EHBP1L1: variants seen among roughly 807,000 people sequenced by gnomAD.
The protein encoded by EHBP1L1 is EH domain binding protein 1 like 1.
In EHBP1L1, 122 loss-of-function variants were observed where a neutral mutation model predicts 151.1. That is an observed-to-expected ratio of 0.81 (90% confidence interval 0.70 to 0.94). EHBP1L1 has a LOEUF of 0.94. Among genes scored for constraint, EHBP1L1 ranks in the 40% least tolerant of loss-of-function variants. The pLI is 0.00. For synonymous variants in EHBP1L1, 878 were observed against 810.1 expected (o/e 1.08, Z -1.42); for missense variants, 1,941 against 1,959.8 (o/e 0.99, Z 0.18).
chr11:65,591,953 C>T, intron 17 of EHBP1L1, 23 bp from the exon 18 acceptor site: 1 of 1,609,042 alleles, frequency 6.2e-7, no homozygotes, highest in South Asian at 1.1e-5. Flanking sequence ...CGCCTCCTGA[C>T]GCTTAGCCGC....
Position 65,588,220 on chromosome 11 carries a change from G to A in EHBP1L1, c.3934-1531G>A, listed in dbSNP as rs541943437. Among the ~76,000 whole-genome samples the A allele has an allele frequency of 6.6e-5, 10 of 152,188 alleles. No individual in the cohort carries two copies. The East Asian group carries it at 9.7e-4, about 15-fold the overall frequency. ...GGAGGAAGTAGGGCTGGGCTGGGTC[G>A]TGGAGGTCACGTTGGTACCAGGCAG... On this transcript the variant is annotated intron_variant, in intron 12 of 18. Transcript: ENST00000309295.
rs1857907160 is a variant in EHBP1L1, at chr11:65,585,360, C to T, written c.3702C>T (p.Val1234=). ...CCCGAGAGTCGCGACCCGCGGAGGT[C>T]CCGGCCGAGGGGCTGGTGAACGGGG... The part of the protein sequence containing the change: ...EAPRESRPAE[V]PAEGLVNGAG... The change falls in exon 12 of 19, where the codon GTC becomes GTT. Residue 1234 remains valine (V), a synonymous_variant. Transcript: ENST00000309295. This position sits in a 1 kb window ranked among gnomAD's most constrained non-coding sequence, Gnocchi z 4.0. The T allele has an allele frequency of 2.6e-6, 3 of 1,163,792 alleles. No individual in the cohort carries two copies. The highest frequency in any genetic ancestry group is 1.7e-5 in the African/African-American group (1 of 59,484). 72.1% of individuals were successfully genotyped at this position (1,163,792 alleles called of 1,614,324 possible).
chr11:65,584,693 T>C (rs965275407), intron 11 of EHBP1L1, 159 bp downstream of exon 11: 189 of 1,132,198 alleles, frequency 1.7e-4, no homozygotes, highest in Non-Finnish European at 2.2e-4. Flanking sequence ...GTTTTCCTTA[T>C]TTTCGTTTGT....
rs764711728 is a variant in EHBP1L1, at chr11:65,585,402, C to T, written c.3744C>T (p.Gly1248=). 9 of 1,354,336 alleles carry T rather than the reference C, an allele frequency of 6.6e-6. No individual in the cohort carries two copies. The South Asian group carries it at 1.0e-4, about 16-fold the overall frequency. 83.9% of individuals were successfully genotyped at this position (1,354,336 alleles called of 1,614,324 possible). ...TGAACGGGGCGGGGGCACCGGGCGGCGGCGGCGTGAGGCTGCGACGGCCCT... is the reference window on the plus strand; with the variant it reads ...TGAACGGGGCGGGGGCACCGGGCGGTGGCGGCGTGAGGCTGCGACGGCCCT... ...GLVNGAGAPG[G]GGVRLRRPSV... Residue 1248 remains glycine, a synonymous_variant, in exon 12 of 19, where the codon GGC becomes GGT. Transcript: ENST00000309295. This position sits in a 1 kb window ranked among gnomAD's most constrained non-coding sequence, Gnocchi z 4.0.
At position 65,584,981 on chromosome 11, in the gene EHBP1L1, T is replaced by C. The variant is rs1458903747; in HGVS notation, c.3323T>C (p.Leu1108Pro). The change falls in exon 12 of 19, where the codon CTG becomes CCG. Residue 1108 changes from leucine (L) to proline (P), a missense_variant. Physicochemically the swap from Leu to Pro is moderately conservative, Grantham distance 98. Transcript: ENST00000309295. ...TAGGCCTTCGATGGCTTCGCGGCTC[T>C]GGGCGTGTCGCGGCTGCTGGAGCCC... The part of the protein sequence containing the change: ...NKQAFDGFAA[L>P]GVSRLLEPAD... The C allele has an allele frequency of 3.3e-6, 5 of 1,534,020 alleles. No homozygotes were observed. Among genetic ancestry groups the C allele is most frequent in the Non-Finnish European group, 4.4e-6 (5 of 1,146,048 alleles).
At position 65,580,623 on chromosome 11, in the gene EHBP1L1, T is replaced by G. The variant is rs965775569; in HGVS notation, c.634+144T>G. 1.8e-5 allele frequency: 20 copies of G among 1,098,762 alleles called. No homozygotes were observed. In the Admixed American group the frequency reaches 2.5e-4, roughly 14 times the overall value. The allele number at this position is 1,098,762 out of a possible 1,614,324, so 68.1% of individuals were successfully genotyped here. ...TCCCAACCAACCCAGCAGCCTCAAT[T>G]GTCCCAACCTGGCTGCTGGTCCCAC... On this transcript the variant is annotated intron_variant, in intron 6 of 18. Transcript: ENST00000309295.
At chr11:65,579,802 C>T (rs1480725103) in intron 3 of EHBP1L1, 134 bp from the exon 4 acceptor site, 7 of 940,088 alleles carry the variant, frequency 7.4e-6, no homozygotes, top group Admixed American at 2.7e-5. Context: ...ACTCCAGCCT[C>T]GACGACAGAG....
chr11:65,581,597 G>A lies in EHBP1L1; in HGVS notation c.925G>A (p.Gly309Ser). ...CACCCCAGCCCCTCGGCTCCGGAAA[G>A]GCTCTGATGCCCTCCGGCCCCCAGT... Reference protein sequence around the residue: ...APTPAPRLRKGSDALRPPVPQ... With the variant: ...APTPAPRLRKSSDALRPPVPQ... Residue 309 changes from glycine (G) to serine (S), a missense_variant, in exon 9 of 19, where the codon GGC (glycine) becomes AGC (serine). Transcript: ENST00000309295. The A allele has an allele frequency of 1.3e-6, 2 of 1,520,948 alleles. No homozygotes were observed. The highest frequency in any genetic ancestry group is 1.8e-6 in the Non-Finnish European group (2 of 1,134,488). The allele number at this position is 1,520,948 out of a possible 1,614,324, so 94.2% of individuals were successfully genotyped here. A position where few individuals can be genotyped will look rare whatever the true frequency, so the allele number is the denominator to read the frequency against.
In EHBP1L1 at chr11:65,582,218, C is replaced by G; in HGVS notation, c.1546C>G (p.Pro516Ala). Residue 516 changes from proline (P) to alanine (A), a missense_variant, in exon 9 of 19, where the codon CCT becomes GCT. Transcript: ENST00000309295. ...GGGTGCAGAAGTGAGGGGTGGAGCACCTGGTATTGAGGGGACAGGCCTGGA... is the reference window on the plus strand; with the variant it reads ...GGGTGCAGAAGTGAGGGGTGGAGCAGCTGGTATTGAGGGGACAGGCCTGGA... ...REGAEVRGGA[P>A]GIEGTGLEQG... 1 of 1,532,272 alleles carries G rather than the reference C, an allele frequency of 6.5e-7. No homozygotes were observed. Among genetic ancestry groups the G allele is most frequent in the Non-Finnish European group, 8.7e-7 (1 of 1,143,618 alleles). The allele number at this position is 1,532,272 out of a possible 1,614,324, so 94.9% of individuals were successfully genotyped here. A position where few individuals can be genotyped will look rare whatever the true frequency, so the allele number is the denominator to read the frequency against.
At position 65,585,323 on chromosome 11, in the gene EHBP1L1, G is replaced by A; in HGVS notation, c.3665G>A (p.Gly1222Glu). Reference sequence around the variant, plus strand: ...GCGGGCCGCGCCTCCAAGGACGGCGGGGCCGAGGCCCCCCGAGAGTCGCGA... The same window carrying A: ...GCGGGCCGCGCCTCCAAGGACGGCGAGGCCGAGGCCCCCCGAGAGTCGCGA... ...AVAGRASKDG[G>E]AEAPRESRPA... Residue 1222 changes from glycine to glutamate, a missense_variant, in exon 12 of 19, where the codon GGG becomes GAG. By Grantham distance (98) the Gly-to-Glu change is moderately conservative (BLOSUM62 -2). Transcript: ENST00000309295. This position sits in a 1 kb window ranked among gnomAD's most constrained non-coding sequence, Gnocchi z 4.0. The A allele has an allele frequency of 1.8e-6, 2 of 1,090,472 alleles. No homozygotes were observed. The highest frequency in any genetic ancestry group is 2.2e-6 in the Non-Finnish European group (2 of 897,694). 67.5% of individuals were successfully genotyped at this position (1,090,472 alleles called of 1,614,324 possible). A position where few individuals can be genotyped will look rare whatever the true frequency, so the allele number is the denominator to read the frequency against.
chr11:65,578,481 C>A (rs1332835884), intron 1 of EHBP1L1, among the ~76,000 whole-genome samples: 2 of 152,142 alleles, frequency 1.3e-5, no homozygotes, highest in East Asian at 1.9e-4. Context: ...CTCAAGGAGA[C>A]CCCCAGGGGT....
chr11:65,578,900 C>A (rs1369041006), intron 1 of EHBP1L1, among the ~76,000 whole-genome samples, 178 bp from the exon 2 acceptor site: 1 of 152,230 alleles, frequency 6.6e-6, no homozygotes, highest in African/African-American at 2.4e-5. Context: ...CTTAGCAGCT[C>A]CACCCTGCAC....
At chr11:65,577,205 G>A (rs1857373511) in intron 1 of EHBP1L1, among the ~76,000 whole-genome samples, 1 of 152,110 alleles carries the variant, frequency 6.6e-6, no homozygotes, top group Non-Finnish European at 1.5e-5. Context: ...GCTTCCCTTG[G>A]CTGGATTAGG....
In EHBP1L1 at chr11:65,592,064, C is replaced by G. The variant is rs14199; in HGVS notation, c.4446C>G (p.Val1482=). Residue 1482 remains valine (V), a synonymous_variant, in exon 18 of 19, where the codon GTC becomes GTG. Transcript: ENST00000309295. ...VSLVNQRDEL[V]RDLDHKERIA... ...TGGTGAACCAGCGCGATGAGCTAGTCCGGGACCTGGACCACAAGGAGCGGA... is the reference window on the plus strand; with the variant it reads ...TGGTGAACCAGCGCGATGAGCTAGTGCGGGACCTGGACCACAAGGAGCGGA... 0.011 allele frequency: 17,317 copies of G among 1,613,328 alleles called. 152 individuals carry two copies. The highest frequency in any genetic ancestry group is 0.023 in the South Asian group (2,126 of 91,074).
intron 16 of EHBP1L1, 119 bp from the exon 17 acceptor site, chr11:65,591,681 G>T: frequency 1.2e-6 from 1 of 804,610 alleles, no homozygotes; most frequent in Non-Finnish European, 2.1e-6. Flanking sequence ...CCCTGCCCTC[G>T]GGAACTGCTG....
Position 65,589,785 on chromosome 11 carries a change from GC to G in EHBP1L1, c.3971del (p.Pro1324HisfsTer54). The G allele has an allele frequency of 6.4e-7, 1 of 1,560,128 alleles. No individual in the cohort carries two copies. Among genetic ancestry groups the G allele is most frequent in the Non-Finnish European group, 8.7e-7 (1 of 1,152,048 alleles). On this transcript the variant is annotated frameshift_variant, in exon 13 of 19. Coordinates refer to ENST00000309295, the MANE Select transcript of EHBP1L1 (RefSeq NM_001099409.3). LOFTEE classifies it high-confidence loss of function. ...GQAPDPSPAP[G>X]PPTAADSQQP... Reference sequence around the variant, plus strand: ...GCCCCTGACCCCAGCCCTGCCCCAGGCCCACCCACAGCTGCAGACTCTCAAC... The same window carrying G: ...GCCCCTGACCCCAGCCCTGCCCCAGGCCACCCACAGCTGCAGACTCTCAAC...
Position 65,591,221 on chromosome 11 carries a change from A to G in EHBP1L1, c.4284-579A>G, listed in dbSNP as rs540621729. 3 of 164,558 alleles carry G rather than the reference A, an allele frequency of 1.8e-5. No homozygotes were observed. The South Asian group carries it at 4.4e-4, about 24-fold the overall frequency. The allele number at this position is 164,558 out of a possible 1,614,324, so 10.2% of individuals were successfully genotyped here. A position where few individuals can be genotyped will look rare whatever the true frequency, so the allele number is the denominator to read the frequency against. On this transcript the variant is annotated intron_variant, in intron 16 of 18. Transcript: ENST00000309295. ...AACACAGTGAAACCCCGTCTCTACT[A>G]AAAATACAAAACATTAGCCAGGCCT...
At position 65,584,705 on chromosome 11, in the gene EHBP1L1, T is replaced by C. The variant is rs989657331; in HGVS notation, c.3300+171T>C. The C allele has an allele frequency of 9.9e-6, 11 of 1,111,926 alleles. No homozygotes were observed. In the African/African-American group the frequency reaches 1.6e-4, roughly 16 times the overall value. The allele number at this position is 1,111,926 out of a possible 1,614,324, so 68.9% of individuals were successfully genotyped here. Reference sequence around the variant, plus strand: ...TTTGTTTTCCTTATTTTCGTTTGTTTGTTTTAAAGCGTTTTTCCTCCCTTA... The same window carrying C: ...TTTGTTTTCCTTATTTTCGTTTGTTCGTTTTAAAGCGTTTTTCCTCCCTTA... On this transcript the variant is annotated intron_variant, in intron 11 of 18. Transcript: ENST00000309295.
In EHBP1L1 at chr11:65,582,289, C is replaced by G; in HGVS notation, c.1617C>G (p.Ser539Arg). 3 of 1,529,678 alleles carry G rather than the reference C, an allele frequency of 2.0e-6. No homozygotes were observed. Among genetic ancestry groups the G allele is most frequent in the Non-Finnish European group, 2.6e-6 (3 of 1,143,576 alleles). The allele number at this position is 1,529,678 out of a possible 1,614,324, so 94.8% of individuals were successfully genotyped here. Residue 539 changes from serine (S) to arginine (R), a missense_variant, in exon 9 of 19, where the codon AGC (serine) becomes AGG (arginine). Ser to Arg is a moderately radical substitution (Grantham distance 110, BLOSUM62 -1). Coordinates refer to ENST00000309295, the MANE Select transcript of EHBP1L1 (RefSeq NM_001099409.3). ...CAATAAGCACCAGGCCCCAGGTGAG[C>G]AGCTGGCAGGGGGCCCTGTTATCAA... ...VGAISTRPQV[S>R]SWQGALLSTA...
Sources: gnomAD v4.1 joint callset for allele counts (sites outside exome capture counted in the v4.1 genomes callset) on GRCh38, gnomAD v4.1.1 for gene constraint, Gnocchi (gnomAD v3.1) non-coding constraint, MANE v1.5 for transcripts, NCBI Gene and HGNC (gene_info 2026-07-23, HGNC 2026-07-21) for gene names.